DNMT3A: variants seen among roughly 807,000 people sequenced by gnomAD.
The protein encoded by DNMT3A is DNA (cytosine-5)-methyltransferase 3A.
DNMT3A carries 267 observed loss-of-function variants against 117.6 expected under a neutral mutation model. The ratio of observed to expected loss-of-function variants is 2.27; its 90% CI spans 2.05 to 2.51. The LOEUF is 2.51. DNMT3A is among the 30% of genes most tolerant of loss of function. DNMT3A has a pLI of 0.00. For synonymous variants in DNMT3A, 432 were observed against 474.8 expected, an observed-to-expected ratio of 0.91 and a Z score of 1.17; for missense variants, 1,029 against 1,260.2, an observed-to-expected ratio of 0.82 and a Z score of 2.78.
rs1231731952 is a variant in DNMT3A at position 25,298,033 on chromosome 2, C to A, written c.177+2106G>T. ...GAGGAAAGGTTTGGCCAGGCGGGGG[C>A]AGGCCCGACCTTTGCTGAGGCTCCT... is the stretch of plus-strand genomic sequence containing the variant. On this transcript the variant is annotated intron_variant, in intron 3 of 22. Transcript: ENST00000321117. This position sits in a 1 kb window ranked among gnomAD's most constrained non-coding sequence, Gnocchi z 4.3. Among the ~76,000 whole-genome samples the A allele has an allele frequency of 6.6e-6, 1 of 152,276 alleles. No homozygotes were observed. The highest frequency in any genetic ancestry group is 2.4e-5 in the African/African-American group (1 of 41,476).
At chr2:25,244,397 TGTG>T in intron 14 of DNMT3A, 59 bp from the exon 15 acceptor site, 1 of 1,564,338 alleles carries the variant, frequency 6.4e-7, no homozygotes, top group Non-Finnish European at 8.7e-7. Flanking sequence ...GAGGCCAAGG[TGTG>T]CTACCTGGAA....
intron 22 of DNMT3A, among the ~76,000 whole-genome samples, chr2:25,235,184 CTTT>C (rs775705977): frequency 6.9e-6 from 1 of 144,542 alleles, no homozygotes; most frequent in African/African-American, 2.5e-5. Context: ...CTAGACTCCT[CTTT>C]TTTTTTTTTT....
intron 6 of DNMT3A, among the ~76,000 whole-genome samples, chr2:25,271,222 C>T (rs1325631206): frequency 6.6e-6 from 1 of 152,082 alleles, no homozygotes; most frequent in Non-Finnish European, 1.5e-5. Context: ...CAGCAGGTGC[C>T]TGTGATCCCA....
intron 20 of DNMT3A, among the ~76,000 whole-genome samples, chr2:25,238,669 T>C (rs934033914): frequency 6.6e-6 from 1 of 152,186 alleles, no homozygotes; most frequent in Non-Finnish European, 1.5e-5. Flanking sequence ...ACAAAGTGTG[T>C]GATTAGTAAA....
At position 25,237,019 on chromosome 2, in the gene DNMT3A, G is replaced by A; in HGVS notation, c.2409-14C>T. ...GATGCCAACGGCCTAGGAGGCAGAA[G>A]AGAGACTGTAACAACAGAAACCTGG... On this transcript the variant is annotated splice_polypyrimidine_tract_variant and intron_variant, in intron 20 of 22. Transcript: ENST00000321117. The surrounding 1 kb of genome is among the most constrained non-coding windows in gnomAD (Gnocchi z 5.4). The A allele has an allele frequency of 6.2e-7, 1 of 1,613,264 alleles. No individual in the cohort carries two copies. Among genetic ancestry groups the A allele is most frequent in the Non-Finnish European group, 8.5e-7 (1 of 1,179,820 alleles).
At chr2:25,336,588 C>T (rs1454433854) in intron 1 of DNMT3A, among the ~76,000 whole-genome samples, 2 of 152,102 alleles carry the variant, frequency 1.3e-5, no homozygotes, top group African/African-American at 2.4e-5. Flanking sequence ...AATCAGGATC[C>T]GACACCAAAT....
intron 3 of DNMT3A, among the ~76,000 whole-genome samples, chr2:25,283,103 C>A (rs552777151): frequency 6.6e-6 from 1 of 152,306 alleles, no homozygotes; most frequent in Admixed American, 6.5e-5. Flanking sequence ...TGGCTCACAC[C>A]TGTAATCCCA....
chr2:25,281,111 A>G lies in DNMT3A; in HGVS notation c.448+1330T>C, dbSNP rs933953498. On this transcript the variant is annotated intron_variant, in intron 4 of 22. Coordinates refer to ENST00000321117, the MANE Select transcript of DNMT3A (RefSeq NM_022552.5). This position sits in a 1 kb window ranked among gnomAD's most constrained non-coding sequence, Gnocchi z 4.8. ...GTTTCACTCCCCTCAGGCCCTTCCCACTCTCGGGAAGTATCAGAATATGTG... is the reference window on the plus strand; with the variant it reads ...GTTTCACTCCCCTCAGGCCCTTCCCGCTCTCGGGAAGTATCAGAATATGTG... Among the ~76,000 whole-genome samples the G allele has an allele frequency of 6.6e-6, 1 of 151,686 alleles. No homozygotes were observed. Among genetic ancestry groups the G allele is most frequent in the African/African-American group, 2.4e-5 (1 of 41,242 alleles).
rs1318418001 is a variant in DNMT3A, at chr2:25,337,650, T to G, written c.-178+4176A>C. Reference sequence around the variant, plus strand: ...TGGCGGCACACCACGTACACACACATCATGCACAGACACATGTGCACTGAA... The same window carrying G: ...TGGCGGCACACCACGTACACACACAGCATGCACAGACACATGTGCACTGAA... On this transcript the variant is annotated intron_variant, in intron 1 of 22. Coordinates refer to ENST00000321117, the MANE Select transcript of DNMT3A (RefSeq NM_022552.5). The surrounding 1 kb of genome is among the most constrained non-coding windows in gnomAD (Gnocchi z 5.0). 6.6e-6 allele frequency among the ~76,000 whole-genome samples: 1 copy of G among 152,116 alleles called. No individual in the cohort carries two copies. Among genetic ancestry groups the G allele is most frequent in the Non-Finnish European group, 1.5e-5 (1 of 68,024 alleles).
chr2:25,295,226 A>G (rs900127701), intron 3 of DNMT3A, among the ~76,000 whole-genome samples: 1 of 151,450 alleles, frequency 6.6e-6, no homozygotes, highest in Non-Finnish European at 1.5e-5. Flanking sequence ...TCCCCACCTC[A>G]CACCCACACA....
chr2:25,242,854 C>T (rs979255476), intron 16 of DNMT3A, among the ~76,000 whole-genome samples: 2 of 152,028 alleles, frequency 1.3e-5, no homozygotes, highest in African/African-American at 4.8e-5. Context: ...AAAGGTTTTC[C>T]TAAGGAGGGA....
intron 1 of DNMT3A, among the ~76,000 whole-genome samples, chr2:25,331,899 C>T (rs895653167): frequency 6.6e-6 from 1 of 150,610 alleles, no homozygotes; most frequent in East Asian, 2.0e-4. Flanking sequence ...CTCTCCGACT[C>T]CCCCCAACCC....
At chr2:25,319,773 C>CTT (rs1351746396) in intron 1 of DNMT3A, among the ~76,000 whole-genome samples, 19 of 144,336 alleles carry the variant, frequency 1.3e-4, no homozygotes, top group African/African-American at 2.8e-4. Flanking sequence ...TTCTTTCTTT[C>CTT]TTTTTTTTTT....
chr2:25,265,278 G>A (rs184279060), intron 6 of DNMT3A, among the ~76,000 whole-genome samples: 41 of 152,260 alleles, frequency 2.7e-4, no homozygotes, highest in African/African-American at 8.2e-4. Context: ...AAGAGCATGC[G>A]GCAGGCTGGA....
chr2:25,334,944 A>G (rs1420060294), intron 1 of DNMT3A, among the ~76,000 whole-genome samples: 2 of 152,208 alleles, frequency 1.3e-5, no homozygotes, highest in Admixed American at 6.5e-5. Context: ...TGTTGTTGTC[A>G]TTAAGAAAGT....
intron 1 of DNMT3A, among the ~76,000 whole-genome samples, chr2:25,340,582 C>T (rs1454202522): frequency 1.3e-5 from 2 of 152,048 alleles, no homozygotes; most frequent in Non-Finnish European, 2.9e-5. Context: ...GGACAGCCGC[C>T]GCCTGCGGCT....
chr2:25,326,617 G>A lies in DNMT3A; in HGVS notation c.-177-12456C>T, dbSNP rs115413125. Among the ~76,000 whole-genome samples, 1,508 of 152,304 alleles carry A rather than the reference G, an allele frequency of 9.9e-3. 22 individuals are homozygous for A. The highest frequency in any genetic ancestry group is 0.034 in the African/African-American group (1,421 of 41,556). On this transcript the variant is annotated intron_variant, in intron 1 of 22. Transcript: ENST00000321117. ...GAGGTGGGTTTCCTTTCTAGACCCA[G>A]TGTGCTCTTGTTGGGTTCCTGCATT... is the stretch of plus-strand genomic sequence containing the variant.
intron 15 of DNMT3A, 59 bp downstream of exon 15, chr2:25,244,096 C>T (rs990131483): frequency 6.2e-7 from 1 of 1,609,968 alleles, no homozygotes; most frequent in African/African-American, 1.3e-5. Flanking sequence ...ACAGCTCAGG[C>T]CCCACAACCA....
intron 3 of DNMT3A, among the ~76,000 whole-genome samples, chr2:25,289,445 A>G (rs2032583063): frequency 6.6e-6 from 1 of 152,178 alleles, no homozygotes; most frequent in South Asian, 2.1e-4. Flanking sequence ...GCTCTCTAGC[A>G]TCCCACACAG....
Sources: gnomAD v4.1 joint callset for allele counts (sites outside exome capture counted in the v4.1 genomes callset) on GRCh38, gnomAD v4.1.1 for gene constraint, Gnocchi (gnomAD v3.1) non-coding constraint, MANE v1.5 for transcripts, NCBI Gene and HGNC (gene_info 2026-07-23, HGNC 2026-07-21) for gene names.